The following ITPRID1 variants were observed in gnomAD, a reference collection of about 807,000 sequenced individuals.
ITPRID1 encodes the protein ITPR interacting domain containing 1, also known as protein ITPRID1.
ITPRID1 carries 96 observed loss-of-function variants against 95.4 expected under a neutral mutation model. The observed-to-expected ratio is 1.01, with a 90% CI of 0.85 to 1.19. The LOEUF is 1.19. Ranked by LOEUF, ITPRID1 falls within the 50% of genes most tolerant of loss-of-function variation. ITPRID1 has a pLI of 0.00. For synonymous variants in ITPRID1, 510 were observed against 453.6 expected, an observed-to-expected ratio of 1.12 and a Z score of -1.58; for missense variants, 1,339 against 1,252.9, an observed-to-expected ratio of 1.07 and a Z score of -1.04.
At chr7:31,639,296 T>C (rs1337984687) in intron 10 of ITPRID1, among the ~76,000 whole-genome samples, 2 of 152,178 alleles carry the variant, frequency 1.3e-5, no homozygotes, top group African/African-American at 4.8e-5. Context: ...TTTTTAAATC[T>C]CTATGTTTCA....
chr7:31,631,508 T>C (rs1788995303), intron 10 of ITPRID1, among the ~76,000 whole-genome samples: 1 of 152,348 alleles, frequency 6.6e-6, no homozygotes, highest in African/African-American at 2.4e-5. Flanking sequence ...TTTTTATTTT[T>C]CCAAATTTTC....
intron 10 of ITPRID1, among the ~76,000 whole-genome samples, chr7:31,585,731 C>A (rs1291438883): frequency 6.6e-6 from 1 of 152,136 alleles, no homozygotes; most frequent in Non-Finnish European, 1.5e-5. Context: ...CTTATAAAAT[C>A]ATCAAACCAA....
At chr7:31,554,803 A>G in intron 4 of ITPRID1, 55 bp from the exon 5 acceptor site, 1 of 1,381,620 alleles carries the variant, frequency 7.2e-7, no homozygotes, top group Non-Finnish European at 1.0e-6. Context: ...AAAGTAATTT[A>G]GTATAATTTA....
At chr7:31,530,476 G>A (rs1044739197) in intron 1 of ITPRID1, among the ~76,000 whole-genome samples, 2 of 152,052 alleles carry the variant, frequency 1.3e-5, no homozygotes, top group African/African-American at 2.4e-5. Flanking sequence ...CGTATCTGGG[G>A]GGTATAAGTA....
chr7:31,564,706 T>C (rs1362766921), intron 5 of ITPRID1, among the ~76,000 whole-genome samples: 1 of 152,152 alleles, frequency 6.6e-6, no homozygotes, highest in Non-Finnish European at 1.5e-5. Flanking sequence ...AGCTTCCTGC[T>C]CTGATCTGAG....
intron 10 of ITPRID1, among the ~76,000 whole-genome samples, chr7:31,585,180 C>G (rs571164727): frequency 6.6e-6 from 1 of 152,068 alleles, no homozygotes; most frequent in Non-Finnish European, 1.5e-5. Context: ...GCTGGCCAGC[C>G]CACAGAGTCA....
At chr7:31,537,410 T>C (rs1406873117) in intron 1 of ITPRID1, among the ~76,000 whole-genome samples, 1 of 152,158 alleles carries the variant, frequency 6.6e-6, no homozygotes, top group African/African-American at 2.4e-5. Context: ...CATGGGTCTT[T>C]TCTCTGCTAC....
chr7:31,599,082 C>G (rs1469410995), intron 10 of ITPRID1, among the ~76,000 whole-genome samples: 1 of 152,102 alleles, frequency 6.6e-6, no homozygotes, highest in Non-Finnish European at 1.5e-5. Flanking sequence ...AAGAAATCTT[C>G]ACATATATGC....
intron 10 of ITPRID1, among the ~76,000 whole-genome samples, chr7:31,618,706 G>A (rs1016876360): frequency 6.6e-6 from 1 of 152,172 alleles, no homozygotes; most frequent in Admixed American, 6.5e-5. Context: ...TAGCTTATGA[G>A]TGAGGAAACC....
chr7:31,557,073 A>G (rs985536429), intron 5 of ITPRID1, among the ~76,000 whole-genome samples: 6 of 151,878 alleles, frequency 4.0e-5, no homozygotes, highest in African/African-American at 1.5e-4. Flanking sequence ...TTTTCCTCTT[A>G]TAAAGACACC....
chr7:31,583,960 A>G (rs886634851), intron 10 of ITPRID1, among the ~76,000 whole-genome samples: 2 of 152,210 alleles, frequency 1.3e-5, no homozygotes, highest in African/African-American at 4.8e-5. Context: ...AATTTTGTGT[A>G]ATCTTAATGT....
At chr7:31,531,878 G>C (rs1783609350) in intron 1 of ITPRID1, among the ~76,000 whole-genome samples, 1 of 151,958 alleles carries the variant, frequency 6.6e-6, no homozygotes. Context: ...TTAGGTTTTT[G>C]GGTCAGGGAG....
intron 10 of ITPRID1, among the ~76,000 whole-genome samples, chr7:31,588,569 T>G (rs1248762901): frequency 1.4e-5 from 2 of 142,220 alleles, no homozygotes; most frequent in Non-Finnish European, 3.0e-5. Flanking sequence ...AGACAGAGGT[T>G]GTGGTGAGCC....
At chr7:31,656,603 T>C (rs1017465361), downstream of ITPRID1, 1 of 467,008 alleles carries the variant, frequency 2.1e-6, no homozygotes, top group Admixed American at 6.4e-5. Context: ...GAGGATAAAT[T>C]ATCAGTCTCA....
downstream of ITPRID1, among the ~76,000 whole-genome samples, chr7:31,656,986 T>C (rs370794271): frequency 3.4e-5 from 5 of 149,196 alleles, no homozygotes; most frequent in South Asian, 1.1e-3. Context: ...GCCTTTAGGC[T>C]CAGACTGAAT....
rs551149592 is a variant in ITPRID1 at position 31,568,500 on chromosome 7, G to A, written c.257-1258G>A. Among the ~76,000 whole-genome samples, 20 of 152,124 alleles carry A rather than the reference G, an allele frequency of 1.3e-4. No homozygotes were observed. In the South Asian group the frequency reaches 3.1e-3, roughly 24 times the overall value. On this transcript the variant is annotated intron_variant, in intron 5 of 14. Coordinates refer to ENST00000615280, the MANE Select transcript of ITPRID1 (RefSeq NM_001257967.3). ...GGCAACACTTCCCAGTTTCACACAC[G>A]TCACACATTTGCACCCAGGAGAGCA...
intron 10 of ITPRID1, among the ~76,000 whole-genome samples, chr7:31,626,651 G>A (rs959294094): frequency 2.0e-5 from 3 of 152,186 alleles, no homozygotes; most frequent in East Asian, 1.9e-4. Flanking sequence ...ACACCATGCT[G>A]TAAAGGAGGA....
chr7:31,544,711 C>T (rs961775459), intron 1 of ITPRID1, among the ~76,000 whole-genome samples: 10 of 152,100 alleles, frequency 6.6e-5, no homozygotes, highest in African/African-American at 2.2e-4. Flanking sequence ...TGTTTGTACA[C>T]AGTAGACACT....
At chr7:31,605,328 C>G (rs1344863947) in intron 10 of ITPRID1, among the ~76,000 whole-genome samples, 5 of 152,164 alleles carry the variant, frequency 3.3e-5, no homozygotes, top group Non-Finnish European at 7.3e-5. Flanking sequence ...CAGCTCACCT[C>G]CACAATTCCC....
Sources: gnomAD v4.1 joint callset for allele counts (sites outside exome capture counted in the v4.1 genomes callset) on GRCh38, gnomAD v4.1.1 for gene constraint, MANE v1.5 for transcripts, NCBI Gene and HGNC (gene_info 2026-07-23, HGNC 2026-07-21) for gene names.